Variants in PDE4A observed in about 807,000 individuals in gnomAD.
PDE4A encodes the protein 3',5'-cyclic-AMP phosphodiesterase 4A.
PDE4A carries 21 observed loss-of-function variants against 73.9 expected under a neutral mutation model. The observed-to-expected ratio is 0.28, with a 90% CI of 0.20 to 0.41. The LOEUF is 0.41. Among genes scored for constraint, PDE4A ranks in the 10% least tolerant of loss-of-function variants. The pLI is 1.00. For missense variants in PDE4A, 958 were observed against 1,211.4 expected, an observed-to-expected ratio of 0.79 and a Z score of 3.10; for synonymous variants, 463 against 505.4, an observed-to-expected ratio of 0.92 and a Z score of 1.13.
chr19:10,421,152 C>G (rs933795108), intron 1 of PDE4A, 68 bp downstream of exon 1: 22 of 1,336,934 alleles, frequency 1.6e-5, no homozygotes, highest in Admixed American at 4.1e-5. Context: ...CTCGAGCTGC[C>G]GGCCGCAGGG....
intron 2 of PDE4A, 112 bp from the exon 3 acceptor site, chr19:10,448,805 C>T: frequency 6.4e-7 from 1 of 1,554,714 alleles, no homozygotes; most frequent in Non-Finnish European, 8.7e-7. Flanking sequence ...CCCTAGGTCC[C>T]ACAGAGTCCC....
chr19:10,463,652 C>T (rs1384172190), intron 13 of PDE4A, 141 bp from the exon 14 acceptor site: 5 of 1,439,716 alleles, frequency 3.5e-6, no homozygotes, highest in Non-Finnish European at 4.6e-6. Context: ...CCACCCGCCT[C>T]AGCATCCCAA....
intron 14 of PDE4A, among the ~76,000 whole-genome samples, chr19:10,465,120 G>A (rs2043342727): frequency 1.3e-5 from 2 of 152,040 alleles, no homozygotes; most frequent in African/African-American, 4.8e-5. Context: ...TGACATTTGG[G>A]TGATCATTTT....
chr19:10,448,672 C>A (rs1018379083), intron 2 of PDE4A, among the ~76,000 whole-genome samples: 1 of 151,642 alleles, frequency 6.6e-6, no homozygotes, highest in South Asian at 2.1e-4. Context: ...TCACCTCTCC[C>A]CTCTCCCCTT....
At chr19:10,437,838 T>C (rs1469211592) in intron 1 of PDE4A, among the ~76,000 whole-genome samples, 4 of 144,956 alleles carry the variant, frequency 2.8e-5, no homozygotes, top group South Asian at 2.2e-4. Flanking sequence ...AGGGTCTCAC[T>C]CTATCACCCA....
At chr19:10,440,899 A>ATTT (rs59011127) in intron 1 of PDE4A, among the ~76,000 whole-genome samples, 1 of 131,364 alleles carries the variant, frequency 7.6e-6, no homozygotes, top group Non-Finnish European at 1.7e-5. Context: ...CGCCCAGCCA[A>ATTT]TTTTTTTTTT....
chr19:10,439,486 A>G (rs533697950), intron 1 of PDE4A, among the ~76,000 whole-genome samples: 2 of 152,224 alleles, frequency 1.3e-5, no homozygotes, highest in African/African-American at 4.8e-5. Flanking sequence ...CTGGCCTACA[A>G]ACATTTTTGA....
Position 10,459,734 on chromosome 19 carries a change from T to C in PDE4A, c.1340T>C (p.Val447Ala). The change falls in exon 10 of 15, where the codon GTA (valine) becomes GCA (alanine). Residue 447 changes from valine (V) to alanine (A), a missense_variant. By Grantham distance (64) the Val-to-Ala change is moderately conservative (BLOSUM62 0). Coordinates refer to ENST00000380702, the MANE Select transcript of PDE4A (RefSeq NM_001111307.2). ...GCTGACGTGCTGCAGTCCACCCACG[T>C]ACTGCTGGCCACGCCTGCACTAGAT... ...HAADVLQSTH[V>A]LLATPALDAV... 1 of 1,613,344 alleles carries C rather than the reference T, an allele frequency of 6.2e-7. No individual in the cohort carries two copies. The highest frequency in any genetic ancestry group is 1.1e-5 in the South Asian group (1 of 91,004).
At position 10,448,534 on chromosome 19, in the gene PDE4A, G is replaced by T. The variant is rs577231116; in HGVS notation, c.513-383G>T. Among the ~76,000 whole-genome samples, 7 of 151,410 alleles carry T rather than the reference G, an allele frequency of 4.6e-5. No homozygotes were observed. The South Asian group carries it at 1.0e-3, about 23-fold the overall frequency. The stretch of plus-strand genomic sequence containing the variant: ...GCCTGTAATCCCAGCTTCTTGGGAG[G>T]CTGAGACAGGAGAATCGCTTGAACC... On this transcript the variant is annotated intron_variant, in intron 2 of 14. Coordinates refer to ENST00000380702, the MANE Select transcript of PDE4A (RefSeq NM_001111307.2).
rs2230188 is a variant in PDE4A at position 10,463,819 on chromosome 19, C to T, written c.1770C>T (p.Ala590=). 4,647 of 1,614,102 alleles carry T rather than the reference C, an allele frequency of 2.9e-3. 119 individuals are homozygous for T. In the African/African-American group the frequency reaches 0.055, roughly 19 times the overall value. ...TCCTCCGGAACATGGTGCACTGTGC[C>T]GACCTCAGCAACCCCACCAAGCCGC... ...IQVLRNMVHC[A]DLSNPTKPLE... Residue 590 remains alanine (A), a synonymous_variant, in exon 14 of 15, where the codon GCC becomes GCT. Transcript: ENST00000380702.
chr19:10,449,800 A>T (rs181117148), intron 4 of PDE4A, among the ~76,000 whole-genome samples: 231 of 152,250 alleles, frequency 1.5e-3, no homozygotes, highest in African/African-American at 5.3e-3. Flanking sequence ...GCCCTTCTGC[A>T]AAGTGATGAT....
At chr19:10,417,775 C>G (rs769624340), upstream of PDE4A, 2 of 1,565,776 alleles carry the variant, frequency 1.3e-6, no homozygotes, top group Non-Finnish European at 1.7e-6. Context: ...CCTGAGCCCT[C>G]GGACCCTGGG....
chr19:10,428,507 T>A (rs1469938461), intron 1 of PDE4A, among the ~76,000 whole-genome samples: 1 of 152,202 alleles, frequency 6.6e-6, no homozygotes, highest in Non-Finnish European at 1.5e-5. Flanking sequence ...TCATCATCTA[T>A]ACCCTCTAGC....
chr19:10,457,916 G>A lies in PDE4A; in HGVS notation c.915G>A (p.Met305Ile), dbSNP rs201719796. 1 of 1,612,670 alleles carries A rather than the reference G, an allele frequency of 6.2e-7. No homozygotes were observed. The highest frequency in any genetic ancestry group is 8.5e-7 in the Non-Finnish European group (1 of 1,180,000). ...AAGTGGAGATCCCATCACCCACGATGAAGGAACGAGAAAAACAGCAAGCGC... is the reference window on the plus strand; with the variant it reads ...AAGTGGAGATCCCATCACCCACGATAAAGGAACGAGAAAAACAGCAAGCGC... ...QNEVEIPSPT[M>I]KEREKQQAPR... Residue 305 changes from methionine to isoleucine, a missense_variant, in exon 8 of 15, where the codon ATG becomes ATA. By Grantham distance (10) the Met-to-Ile change is conservative. This residue lies in a region of PDE4A where 570 missense variants were observed against 827.7 expected (regional missense o/e 0.69). Transcript: ENST00000380702.
intron 1 of PDE4A, among the ~76,000 whole-genome samples, chr19:10,423,730 G>A (rs1262670515): frequency 6.6e-6 from 1 of 152,120 alleles, no homozygotes; most frequent in African/African-American, 2.4e-5. Context: ...GGGGGACCTG[G>A]GTGGATCCCA....
chr19:10,443,407 T>C (rs2042963631), intron 1 of PDE4A, among the ~76,000 whole-genome samples: 1 of 151,404 alleles, frequency 6.6e-6, no homozygotes, highest in Non-Finnish European at 1.5e-5. Flanking sequence ...TATCTGGGGG[T>C]GGTGGCATGT....
chr19:10,465,018 C>T (rs904865546), intron 14 of PDE4A, among the ~76,000 whole-genome samples: 7 of 151,890 alleles, frequency 4.6e-5, no homozygotes, highest in African/African-American at 1.2e-4. Flanking sequence ...TGCCTGGCCC[C>T]TCCCCACTTT....
chr19:10,456,243 C>T (rs994469311), intron 7 of PDE4A, among the ~76,000 whole-genome samples: 3 of 151,690 alleles, frequency 2.0e-5, no homozygotes, highest in Admixed American at 2.0e-4. Context: ...AAATTAAAAA[C>T]TAGGCCGGGC....
intron 6 of PDE4A, among the ~76,000 whole-genome samples, chr19:10,451,465 C>T (rs1319616973): frequency 2.0e-5 from 3 of 151,962 alleles, no homozygotes; most frequent in Non-Finnish European, 4.4e-5. Context: ...TCTGCGTAGC[C>T]GCTGGTTTAT....
Sources: gnomAD v4.1 joint callset for allele counts (sites outside exome capture counted in the v4.1 genomes callset) on GRCh38, gnomAD v4.1.1 for gene constraint, gnomAD v4.1.1 regional missense constraint, MANE v1.5 for transcripts, NCBI Gene and HGNC (gene_info 2026-07-23, HGNC 2026-07-21) for gene names.